The following CEP85L variants were observed in gnomAD, a reference collection of about 807,000 sequenced individuals.
CEP85L encodes the protein centrosomal protein of 85 kDa-like.
Under a neutral mutation model 100.3 loss-of-function variants are expected in CEP85L, and 60 were observed. The observed-to-expected ratio is 0.60, with a 90% CI of 0.49 to 0.74. The LOEUF is 0.74. Ranked by LOEUF, CEP85L falls within the 30% of genes least tolerant of loss-of-function variation. The pLI, the probability that CEP85L is intolerant of heterozygous loss-of-function variation, is 0.00. For synonymous variants in CEP85L, 319 were observed against 322.7 expected, an observed-to-expected ratio of 0.99 and a Z score of 0.12; for missense variants, 973 against 936.2, an observed-to-expected ratio of 1.04 and a Z score of -0.51.
At chr6:118,670,171 C>T (rs371646928) in intron 1 of CEP85L, among the ~76,000 whole-genome samples, 3 of 151,330 alleles carry the variant, frequency 2.0e-5, no homozygotes, top group African/African-American at 4.9e-5. Flanking sequence ...GGGGCTTGCC[C>T]GTGTGACTTG....
At chr6:118,483,420 G>A (rs1773939518) in intron 7 of CEP85L, among the ~76,000 whole-genome samples, 2 of 152,118 alleles carry the variant, frequency 1.3e-5, no homozygotes, top group African/African-American at 2.4e-5. Flanking sequence ...AGAACTGGGG[G>A]TGTGTGCATG....
chr6:118,651,901 C>T (rs1389145115), upstream of CEP85L: 5 of 985,476 alleles, frequency 5.1e-6, no homozygotes, highest in Admixed American at 6.1e-5. Flanking sequence ...CTCCGGGCAC[C>T]TCTGTGAAGA....
chr6:118,661,395 A>C (rs1775969072), intron 1 of CEP85L, among the ~76,000 whole-genome samples: 1 of 152,118 alleles, frequency 6.6e-6, no homozygotes, highest in South Asian at 2.1e-4. Flanking sequence ...CCAACTTAAA[A>C]ATAAGGTATT....
chr6:118,590,954 A>C (rs1781157377), intron 2 of CEP85L, among the ~76,000 whole-genome samples: 1 of 152,114 alleles, frequency 6.6e-6, no homozygotes, highest in South Asian at 2.1e-4. Flanking sequence ...TATCACCTAC[A>C]TTCACGATTG....
At position 118,498,244 on chromosome 6, in the gene CEP85L, A is replaced by G. The variant is rs533774581; in HGVS notation, c.1258-6379T>C. Among the ~76,000 whole-genome samples the G allele has an allele frequency of 1.7e-4, 26 of 152,342 alleles. 2 individuals are homozygous for G. In the South Asian group the frequency reaches 5.2e-3, roughly 30 times the overall value. On this transcript the variant is annotated intron_variant, in intron 5 of 12. Transcript: ENST00000368491. ...ATGGTTGGCTCATGCCTGTAATCCC[A>G]GTACTTTGAGAGGCTGAGGCAGGAG...
chr6:118,593,275 T>C (rs985701888), intron 2 of CEP85L, among the ~76,000 whole-genome samples: 2 of 151,904 alleles, frequency 1.3e-5, no homozygotes, highest in East Asian at 1.9e-4. Context: ...TCTGTGAATA[T>C]ACTAAAAGTC....
intron 1 of CEP85L, among the ~76,000 whole-genome samples, chr6:118,640,757 T>C (rs1024928838): frequency 1.3e-5 from 2 of 152,196 alleles, no homozygotes; most frequent in African/African-American, 4.8e-5. Context: ...CTCGAACTCC[T>C]GACCTCAAGT....
chr6:118,659,300 T>G (rs1775896025), intron 1 of CEP85L, among the ~76,000 whole-genome samples: 1 of 152,194 alleles, frequency 6.6e-6, no homozygotes, highest in Admixed American at 6.5e-5. Context: ...CAAAAGAAAT[T>G]ATGAAAAGAT....
chr6:118,666,393 A>C (rs1176055036), intron 1 of CEP85L, among the ~76,000 whole-genome samples: 1 of 152,238 alleles, frequency 6.6e-6, no homozygotes, highest in Non-Finnish European at 1.5e-5. Flanking sequence ...GCCCCCAAAA[A>C]AGGGTCAGAG....
intron 3 of CEP85L, among the ~76,000 whole-genome samples, chr6:118,524,540 A>C (rs1466856264): frequency 6.6e-6 from 1 of 152,248 alleles, no homozygotes; most frequent in African/African-American, 2.4e-5. Context: ...TTAATCATTA[A>C]GGGAGTAATA....
At chr6:118,533,194 C>T (rs1306328326) in intron 3 of CEP85L, among the ~76,000 whole-genome samples, 2 of 151,898 alleles carry the variant, frequency 1.3e-5, no homozygotes, top group African/African-American at 2.4e-5. Context: ...GAAAGATAAG[C>T]TAGTTCATTG....
At chr6:118,508,588 A>G (rs940699673) in intron 5 of CEP85L, among the ~76,000 whole-genome samples, 2 of 152,118 alleles carry the variant, frequency 1.3e-5, no homozygotes, top group Non-Finnish European at 2.9e-5. Context: ...ACTGAGTGAT[A>G]TCTACTTCTA....
chr6:118,517,983 T>G (rs1318426926), intron 4 of CEP85L, among the ~76,000 whole-genome samples: 1 of 152,212 alleles, frequency 6.6e-6, no homozygotes, highest in Non-Finnish European at 1.5e-5. Flanking sequence ...CTGCATCTAT[T>G]AAGATAATCG....
intron 1 of CEP85L, among the ~76,000 whole-genome samples, 174 bp from the exon 2 acceptor site, chr6:118,632,785 T>C (rs920816604): frequency 1.3e-5 from 2 of 152,224 alleles, no homozygotes; most frequent in African/African-American, 2.4e-5. Context: ...ATCACACATA[T>C]ATCAATTAAG....
At chr6:118,470,768 A>G in intron 10 of CEP85L, 124 bp from the exon 11 acceptor site, 2 of 477,292 alleles carry the variant, frequency 4.2e-6, no homozygotes, top group Non-Finnish European at 3.7e-6. Flanking sequence ...ATCCCCTTGG[A>G]AGATGAAGCC....
At chr6:118,638,920 G>A (rs1774690360) in intron 1 of CEP85L, among the ~76,000 whole-genome samples, 3 of 152,026 alleles carry the variant, frequency 2.0e-5, no homozygotes, top group African/African-American at 7.3e-5. Context: ...GAATATATAT[G>A]TAACTGCACT....
chr6:118,508,743 CAAT>C (rs1215818587), intron 5 of CEP85L, among the ~76,000 whole-genome samples: 1 of 151,952 alleles, frequency 6.6e-6, no homozygotes, highest in Non-Finnish European at 1.5e-5. Context: ...ACATTAATTT[CAAT>C]AATTATTATT....
Position 118,593,816 on chromosome 6 carries a change from C to T in CEP85L, c.233-27500G>A, listed in dbSNP as rs188316602. On this transcript the variant is annotated intron_variant, in intron 2 of 12. Coordinates refer to ENST00000368491, the MANE Select transcript of CEP85L (RefSeq NM_001042475.3). ...CAACAGCAAGTGGTCTCCTACCTTC[C>T]AGTTTTGTTTTCTGGGATGTGATCC... Among the ~76,000 whole-genome samples the T allele has an allele frequency of 5.3e-5, 8 of 152,198 alleles. No individual in the cohort carries two copies. The East Asian group carries it at 1.5e-3, about 29-fold the overall frequency.
chr6:118,555,810 C>T (rs1306950699), intron 3 of CEP85L, among the ~76,000 whole-genome samples: 4 of 151,308 alleles, frequency 2.6e-5, no homozygotes, highest in South Asian at 2.1e-4. Context: ...CCATCCTCCC[C>T]GCTCAAGTAG....
Sources: gnomAD v4.1 joint callset for allele counts (sites outside exome capture counted in the v4.1 genomes callset) on GRCh38, gnomAD v4.1.1 for gene constraint, MANE v1.5 for transcripts, NCBI Gene and HGNC (gene_info 2026-07-23, HGNC 2026-07-21) for gene names.